Variants in MBD5 observed in about 807,000 individuals in gnomAD.
MBD5 encodes methyl-CpG binding domain protein 5.
In MBD5, 13 loss-of-function variants were observed where a neutral mutation model predicts 117.3. That is an observed-to-expected ratio of 0.11 (90% CI 0.07 to 0.18). The LOEUF (loss-of-function observed/expected upper bound fraction) is 0.18, where lower values mean the gene tolerates loss of function less well. Among genes scored for constraint, MBD5 ranks in the 10% least tolerant of loss-of-function variants. MBD5 has a pLI of 1.00. For missense variants in MBD5, 1,879 were observed against 2,093.8 expected, an observed-to-expected ratio of 0.90 and a Z score of 2.00; for synonymous variants, 727 against 766.4, an observed-to-expected ratio of 0.95 and a Z score of 0.85.
chr2:148,245,529 T>C (rs1048081756), intron 3 of MBD5, among the ~76,000 whole-genome samples: 35 of 152,252 alleles, frequency 2.3e-4, no homozygotes, highest in African/African-American at 8.4e-4. Flanking sequence ...CCCTGGATGC[T>C]GAGGCTGCAG....
At chr2:148,201,070 T>C (rs1699127160) in intron 2 of MBD5, among the ~76,000 whole-genome samples, 1 of 152,246 alleles carries the variant, frequency 6.6e-6, no homozygotes, top group African/African-American at 2.4e-5. Context: ...TGGCCAATGA[T>C]GCCCCTCCCC....
At chr2:148,512,590 T>G (rs758431945) in intron 13 of MBD5, among the ~76,000 whole-genome samples, 16 of 152,224 alleles carry the variant, frequency 1.1e-4, no homozygotes, top group Non-Finnish European at 2.9e-5. Flanking sequence ...GCATTTCCCA[T>G]ACTTGATTTT....
intron 1 of MBD5, among the ~76,000 whole-genome samples, chr2:148,047,214 T>A (rs532546998): frequency 1.3e-5 from 2 of 152,322 alleles, no homozygotes; most frequent in African/African-American, 4.8e-5. Context: ...TATGATCATA[T>A]AAGATGGTTG....
In MBD5 at chr2:148,490,464, A is replaced by G; in HGVS notation, c.4832A>G (p.Tyr1611Cys). The change falls in exon 11 of 14, where the codon TAT becomes TGT. Residue 1611 changes from tyrosine to cysteine, a missense_variant. This residue lies in a region of MBD5 where 135 missense variants were observed against 148.0 expected (regional missense o/e 0.91). Transcript: ENST00000642680. ...CCCTCTTCAAATGAATTGATACATT[A>G]TAGACCAAGGACGTTCAATGTTGGC... ...DSPSSNELIHYRPRTFNVGDL... is the reference protein window; with the variant it reads ...DSPSSNELIHCRPRTFNVGDL... The G allele has an allele frequency of 1.2e-6, 2 of 1,614,234 alleles. No homozygotes were observed. The highest frequency in any genetic ancestry group is 1.7e-6 in the Non-Finnish European group (2 of 1,180,046).
chr2:148,022,296 TA>T (rs1433694795), intron 1 of MBD5, among the ~76,000 whole-genome samples: 1 of 152,200 alleles, frequency 6.6e-6, no homozygotes, highest in African/African-American at 2.4e-5. Flanking sequence ...TTCAAATTTT[TA>T]GTTGGTAGAG....
At chr2:148,499,248 A>G (rs970066437) in intron 11 of MBD5, among the ~76,000 whole-genome samples, 9 of 152,212 alleles carry the variant, frequency 5.9e-5, no homozygotes, top group Admixed American at 5.9e-4. Flanking sequence ...GGCTGCAGTG[A>G]GCCAAGGTCA....
intron 1 of MBD5, among the ~76,000 whole-genome samples, chr2:148,120,165 C>T (rs755505978): frequency 2.6e-5 from 4 of 152,110 alleles, no homozygotes; most frequent in African/African-American, 7.2e-5. Context: ...CCTTTTGCGT[C>T]GGCCTCCTAA....
intron 4 of MBD5, among the ~76,000 whole-genome samples, chr2:148,349,115 G>C (rs1703189429): frequency 6.6e-6 from 1 of 151,792 alleles, no homozygotes; most frequent in Non-Finnish European, 1.5e-5. Flanking sequence ...GAAAATAGAA[G>C]AATAGATTTC....
chr2:148,088,233 A>T (rs1695848066), intron 1 of MBD5, among the ~76,000 whole-genome samples: 1 of 152,096 alleles, frequency 6.6e-6, no homozygotes, highest in Admixed American at 6.5e-5. Flanking sequence ...AAACTTAAGA[A>T]TAATTGTTAT....
In MBD5 at chr2:148,469,554, C is replaced by A. The variant is rs1184123465; in HGVS notation, c.1611C>A (p.Ser537Arg). ...AGISNVLNTP[S>R]SAAFPTASAG... ...TAAGTAATGTACTAAATACCCCAAGCAGTGCAGCTTTTCCTACTGCATCTG... is the reference window on the plus strand; with the variant it reads ...TAAGTAATGTACTAAATACCCCAAGAAGTGCAGCTTTTCCTACTGCATCTG... The change falls in exon 8 of 14, where the codon AGC becomes AGA. Residue 537 changes from serine (S) to arginine (R), a missense_variant. Transcript: ENST00000642680. 4 of 1,613,706 alleles carry A rather than the reference C, an allele frequency of 2.5e-6. No individual in the cohort carries two copies.
At chr2:148,209,541 A>C (rs1699370261) in intron 2 of MBD5, among the ~76,000 whole-genome samples, 1 of 151,714 alleles carries the variant, frequency 6.6e-6, no homozygotes, top group Non-Finnish European at 1.5e-5. Flanking sequence ...TTTTTTAATA[A>C]ATTACCCAGT....
intron 4 of MBD5, among the ~76,000 whole-genome samples, chr2:148,388,385 A>C (rs1321770004): frequency 6.6e-6 from 1 of 152,178 alleles, no homozygotes; most frequent in East Asian, 1.9e-4. Flanking sequence ...ATTTTATTTA[A>C]AAGAATACAA....
In MBD5 at chr2:148,468,731, C is replaced by G; in HGVS notation, c.788C>G (p.Ser263Cys). The G allele has an allele frequency of 6.2e-7, 1 of 1,613,956 alleles. No individual in the cohort carries two copies. Among genetic ancestry groups the G allele is most frequent in the Non-Finnish European group, 8.5e-7 (1 of 1,179,920 alleles). ...SNPGFHGAPNSSPIHLNRTPL... is the reference protein window; with the variant it reads ...SNPGFHGAPNCSPIHLNRTPL... ...CCTGGTTTTCATGGAGCTCCCAATT[C>G]TAGTCCTATTCACCTGAATAGGACT... Residue 263 changes from serine (S) to cysteine (C), a missense_variant, in exon 8 of 14, where the codon TCT (serine) becomes TGT (cysteine). Coordinates refer to ENST00000642680, the MANE Select transcript of MBD5 (RefSeq NM_001378120.1).
intron 1 of MBD5, among the ~76,000 whole-genome samples, chr2:148,160,462 T>C (rs996899972): frequency 1.3e-5 from 2 of 152,126 alleles, no homozygotes; most frequent in African/African-American, 4.8e-5. Context: ...AATGTGGAAA[T>C]GTACCTGGAT....
chr2:148,368,478 AT>A lies in MBD5; in HGVS notation c.-557+26143del, dbSNP rs556694529. Among the ~76,000 whole-genome samples, 472 of 152,272 alleles carry A rather than the reference AT, an allele frequency of 3.1e-3. 3 individuals are homozygous for A. Among genetic ancestry groups the A allele is most frequent in the Non-Finnish European group, 5.5e-3 (377 of 67,976 alleles). ...ATCCCAACTTAAAGTATTAAAAAAA[AT>A]AAAAACTTTTTTAAAATAAATAAAA... On this transcript the variant is annotated intron_variant, in intron 4 of 13. Transcript: ENST00000642680.
intron 1 of MBD5, among the ~76,000 whole-genome samples, chr2:148,090,893 G>A (rs1307912934): frequency 2.6e-5 from 4 of 151,940 alleles, no homozygotes; most frequent in African/African-American, 9.7e-5. Flanking sequence ...TCAAACTATC[G>A]CTGTTTGCTG....
chr2:148,472,294 G>C (rs904479121), intron 8 of MBD5: 1 of 152,066 alleles, frequency 6.6e-6, no homozygotes, highest in Non-Finnish European at 1.5e-5. Context: ...TGTCAGAAAA[G>C]TGTGAGCATA....
In MBD5 at chr2:148,246,343, A is replaced by G. The variant is rs144439054; in HGVS notation, c.-680+12948A>G. 5.6e-3 allele frequency among the ~76,000 whole-genome samples: 854 copies of G among 152,310 alleles called. 7 individuals carry two copies. Among genetic ancestry groups the G allele is most frequent in the African/African-American group, 0.019 (798 of 41,572 alleles). On this transcript the variant is annotated intron_variant, in intron 3 of 13. Coordinates refer to ENST00000642680, the MANE Select transcript of MBD5 (RefSeq NM_001378120.1). ...AACACAGAGTGGAGTGAAAATGCAC[A>G]TGCAACCTTAGATTCTCTATTATGG...
At chr2:148,328,731 G>A (rs549739326) in intron 3 of MBD5, among the ~76,000 whole-genome samples, 33 of 152,198 alleles carry the variant, frequency 2.2e-4, no homozygotes, top group East Asian at 3.9e-4. Context: ...ACTGACCTGC[G>A]CCCACTGTCT....
Sources: gnomAD v4.1 joint callset for allele counts (sites outside exome capture counted in the v4.1 genomes callset) on GRCh38, gnomAD v4.1.1 for gene constraint, gnomAD v4.1.1 regional missense constraint, MANE v1.5 for transcripts, NCBI Gene and HGNC (gene_info 2026-07-23, HGNC 2026-07-21) for gene names.